The following NLGN4X variants were observed in gnomAD, a reference collection of about 807,000 sequenced individuals.
The protein encoded by NLGN4X is neuroligin 4 X-linked.
NLGN4X carries 3 observed loss-of-function variants against 40.3 expected under a neutral mutation model. The observed-to-expected ratio is 0.07, with a 90% CI of 0.03 to 0.19. The LOEUF (loss-of-function observed/expected upper bound fraction) is 0.19. Among genes scored for constraint, NLGN4X ranks in the 10% least tolerant of loss-of-function variants. NLGN4X has a pLI of 1.00. For synonymous variants in NLGN4X, 270 were observed against 306.8 expected (o/e 0.88, Z 1.25); for missense variants, 382 against 708.3 (o/e 0.54, Z 5.23).
chrX:6,014,440 T>C (rs776174926), intron 3 of NLGN4X, among the ~76,000 whole-genome samples: 5 of 111,778 alleles, frequency 4.5e-5, no homozygotes, highest in African/African-American at 6.5e-5. Context: ...TAAATCTGCA[T>C]TGCTTTTAAT....
At chrX:6,169,087 G>C (rs1375734436) in intron 1 of NLGN4X, among the ~76,000 whole-genome samples, 1 of 111,507 alleles carries the variant, frequency 9.0e-6, no homozygotes. Context: ...TCAGAGGGAG[G>C]GTCCCCCAAG....
In NLGN4X at chrX:5,891,341, C is replaced by T; in HGVS notation, c.*1476G>A. 1 of 218,954 alleles carries T rather than the reference C, an allele frequency of 4.6e-6. No individual in the cohort carries two copies. The highest frequency in any genetic ancestry group is 8.3e-6 in the Non-Finnish European group (1 of 120,221). The allele number at this position is 218,954 out of a possible 1,213,427, so 18.0% of individuals were successfully genotyped here. A position where few individuals can be genotyped will look rare whatever the true frequency, so the allele number is the denominator to read the frequency against. ...TTCTATAATATTCACCGTTTGGTGACCGGATACACAAATCCACAAAAAGTG... is the reference window on the plus strand; with the variant it reads ...TTCTATAATATTCACCGTTTGGTGATCGGATACACAAATCCACAAAAAGTG... On this transcript the variant is annotated 3_prime_UTR_variant, in exon 6 of 6. Coordinates refer to ENST00000381095, the MANE Select transcript of NLGN4X (RefSeq NM_181332.3).
intron 1 of NLGN4X, among the ~76,000 whole-genome samples, chrX:6,220,896 C>T (rs1436508308): frequency 2.8e-5 from 3 of 108,559 alleles, no homozygotes; most frequent in Non-Finnish European, 5.7e-5. Context: ...CACCACCACA[C>T]CCAGCTAGTT....
chrX:6,129,864 A>C (rs1226884329), intron 2 of NLGN4X, among the ~76,000 whole-genome samples: 1 of 108,476 alleles, frequency 9.2e-6, no homozygotes, highest in Non-Finnish European at 1.9e-5. Context: ...ACTGTGGGGG[A>C]AAGAAAGATA....
intron 2 of NLGN4X, among the ~76,000 whole-genome samples, chrX:6,074,317 A>G (rs1208871930): frequency 9.0e-6 from 1 of 111,698 alleles, no homozygotes; most frequent in South Asian, 3.8e-4. Context: ...CATGGTTCCT[A>G]GAGTGAACAG....
chrX:5,974,793 T>C (rs1380551375), intron 3 of NLGN4X, among the ~76,000 whole-genome samples: 1 of 112,344 alleles, frequency 8.9e-6, no homozygotes, highest in African/African-American at 3.2e-5. Context: ...ATGATAAAGC[T>C]TAATTTATCA....
chrX:6,050,776 C>CGTCTATCTATCT (rs369028719), intron 2 of NLGN4X, among the ~76,000 whole-genome samples: 11 of 103,355 alleles, frequency 1.1e-4, no homozygotes, highest in African/African-American at 1.4e-4. Flanking sequence ...TCTGTCTGTC[C>CGTCTATCTATCT]ATCTATCTAT....
intron 3 of NLGN4X, among the ~76,000 whole-genome samples, chrX:5,952,746 T>TGGCA (rs938494031): frequency 7.2e-5 from 8 of 111,336 alleles, no homozygotes; most frequent in Admixed American, 1.9e-4. Context: ...GCTGGCTGGC[T>TGGCA]GGCAACTCAG....
At chrX:6,016,364 C>T (rs994232880) in intron 3 of NLGN4X, among the ~76,000 whole-genome samples, 3 of 111,571 alleles carry the variant, frequency 2.7e-5, no homozygotes, top group Admixed American at 9.6e-5. Context: ...AGAAGAGATA[C>T]GGGACTTCTT....
At chrX:6,073,382 CTA>C (rs747574724) in intron 2 of NLGN4X, among the ~76,000 whole-genome samples, 2 of 112,576 alleles carry the variant, frequency 1.8e-5, no homozygotes, top group African/African-American at 6.4e-5. Flanking sequence ...AACACTAGCA[CTA>C]TATTCAAATA....
At chrX:5,968,457 C>CTCTGTG (rs1192942244) in intron 3 of NLGN4X, among the ~76,000 whole-genome samples, 13 of 47,018 alleles carry the variant, frequency 2.8e-4, no homozygotes, top group African/African-American at 4.4e-4. Flanking sequence ...CTCTCTCTCT[C>CTCTGTG]TGTGTGTGTG....
chrX:6,028,532 G>A (rs1012709789), intron 3 of NLGN4X, among the ~76,000 whole-genome samples: 2 of 110,083 alleles, frequency 1.8e-5, no homozygotes, highest in African/African-American at 6.6e-5. Flanking sequence ...GGTGGCATGC[G>A]CCTGTAGTCC....
chrX:5,946,137 T>C, intron 3 of NLGN4X, among the ~76,000 whole-genome samples: 1 of 111,625 alleles, frequency 9.0e-6, no homozygotes, highest in East Asian at 2.8e-4. Context: ...GGGGCTGTTC[T>C]GTGCCTTGTG....
At position 6,132,234 on chromosome X, in the gene NLGN4X, T is replaced by C. The variant is rs773866113; in HGVS notation, c.472+18761A>G. Among the ~76,000 whole-genome samples, 5 of 111,731 alleles carry C rather than the reference T, an allele frequency of 4.5e-5. 1 individual carries two copies. The South Asian group carries it at 1.5e-3, about 34-fold the overall frequency. On this transcript the variant is annotated intron_variant, in intron 2 of 5. Transcript: ENST00000381095. ...GTTGTGAGGGCTGTACTGTGCATTG[T>C]AGGATGTTTAGCAGCATCCTCTGCC...
intron 3 of NLGN4X, among the ~76,000 whole-genome samples, chrX:5,928,556 T>C (rs1235109690): frequency 1.8e-5 from 2 of 112,255 alleles, no homozygotes; most frequent in Non-Finnish European, 3.8e-5. Flanking sequence ...GGCAGTTTAC[T>C]TGCTGGATTC....
At chrX:6,130,304 C>G (rs1386006609) in intron 2 of NLGN4X, among the ~76,000 whole-genome samples, 1 of 111,741 alleles carries the variant, frequency 8.9e-6, no homozygotes, top group Non-Finnish European at 1.9e-5. Flanking sequence ...TTTTGGCACT[C>G]CACATGAAAG....
chrX:6,018,355 T>C (rs1235332824), intron 3 of NLGN4X, among the ~76,000 whole-genome samples: 1 of 112,241 alleles, frequency 8.9e-6, no homozygotes, highest in African/African-American at 3.2e-5. Context: ...TACCAAATAT[T>C]TCTTAAAACA....
At chrX:6,183,329 C>T (rs1053682621) in intron 1 of NLGN4X, among the ~76,000 whole-genome samples, 1 of 111,538 alleles carries the variant, frequency 9.0e-6, no homozygotes, top group African/African-American at 3.3e-5. Context: ...GGGCAGATCA[C>T]GAGGTCAGGA....
At chrX:6,014,394 C>G (rs2036336964) in intron 3 of NLGN4X, among the ~76,000 whole-genome samples, 1 of 111,637 alleles carries the variant, frequency 9.0e-6, no homozygotes, top group African/African-American at 3.3e-5. Flanking sequence ...AATGTGAACA[C>G]ATTTGGGACT....
Sources: gnomAD v4.1 joint callset for allele counts (sites outside exome capture counted in the v4.1 genomes callset) on GRCh38, gnomAD v4.1.1 for gene constraint, MANE v1.5 for transcripts, NCBI Gene and HGNC (gene_info 2026-07-23, HGNC 2026-07-21) for gene names.